The following CUL1 variants were observed in gnomAD, a reference collection of about 807,000 sequenced individuals.
The protein encoded by CUL1 is cullin 1, also known as cullin-1.
Under a neutral mutation model 118.0 loss-of-function variants are expected in CUL1, and 24 were observed. That is an observed-to-expected ratio of 0.20 (90% CI 0.15 to 0.29). The LOEUF (loss-of-function observed/expected upper bound fraction) is 0.29. Ranked by LOEUF, CUL1 falls within the 10% of genes least tolerant of loss-of-function variation. The pLI, the probability that CUL1 is intolerant of heterozygous loss-of-function variation, is 1.00. For synonymous variants in CUL1, 332 were observed against 340.4 expected (o/e 0.98, Z 0.27); for missense variants, 361 against 933.8 (o/e 0.39, Z 7.99).
intron 2 of CUL1, among the ~76,000 whole-genome samples, chr7:148,751,575 C>T (rs1009147447): frequency 6.7e-6 from 1 of 148,680 alleles, no homozygotes; most frequent in Non-Finnish European, 1.5e-5. Flanking sequence ...CACTTTGTCA[C>T]TTAGTATTTC....
intron 2 of CUL1, among the ~76,000 whole-genome samples, chr7:148,735,114 TTGAGAA>T (rs751889091): frequency 2.4e-4 from 37 of 152,342 alleles, no homozygotes; most frequent in South Asian, 2.1e-4. Flanking sequence ...TCATTCATAT[TTGAGAA>T]TGAGAATGAG....
chr7:148,762,921 C>T (rs2129460606), intron 7 of CUL1, among the ~76,000 whole-genome samples: 1 of 152,310 alleles, frequency 6.6e-6, no homozygotes, highest in East Asian at 1.9e-4. Flanking sequence ...CCGAGGTGGG[C>T]AGATTGCCTG....
intron 1 of CUL1, among the ~76,000 whole-genome samples, chr7:148,716,689 G>T (rs771947247): frequency 2.0e-5 from 3 of 152,184 alleles, no homozygotes; most frequent in Non-Finnish European, 4.4e-5. Flanking sequence ...CACACAAAAG[G>T]TGCCTGTTTT....
chr7:148,753,948 A>G (rs1331424407), intron 2 of CUL1, 28 bp from the exon 3 acceptor site: 9 of 1,536,900 alleles, frequency 5.9e-6, no homozygotes, highest in Non-Finnish European at 7.9e-6. Flanking sequence ...TCTGTGATAT[A>G]TGTTGGTTTC....
In CUL1 at chr7:148,787,150, A is replaced by G; in HGVS notation, c.1479+30A>G. On this transcript the variant is annotated intron_variant, in intron 13 of 21. Coordinates refer to ENST00000325222, the MANE Select transcript of CUL1 (RefSeq NM_003592.3). This position sits in a 1 kb window ranked among gnomAD's most constrained non-coding sequence, Gnocchi z 5.5. ...GTTTCATCTTTTCCTGAAAAATCCC[A>G]GCTTCTGAGTCATTATTAAAACAGC... The G allele has an allele frequency of 1.2e-6, 2 of 1,610,082 alleles. No homozygotes were observed. Among genetic ancestry groups the G allele is most frequent in the Non-Finnish European group, 1.7e-6 (2 of 1,177,838 alleles).
chr7:148,760,982 G>A (rs1347514283), intron 7 of CUL1, among the ~76,000 whole-genome samples: 1 of 152,170 alleles, frequency 6.6e-6, no homozygotes, highest in East Asian at 1.9e-4. Flanking sequence ...GCCTCCAGAA[G>A]TAATGGGATT....
intron 2 of CUL1, among the ~76,000 whole-genome samples, chr7:148,737,580 T>TTA (rs144209875): frequency 1.5e-3 from 100 of 67,482 alleles, no homozygotes; most frequent in East Asian, 6.6e-3. Context: ...ATTTTTATAT[T>TTA]TATTTATTTA....
At chr7:148,770,712 G>A (rs1307952887) in intron 9 of CUL1, among the ~76,000 whole-genome samples, 1 of 152,188 alleles carries the variant, frequency 6.6e-6, no homozygotes, top group African/African-American at 2.4e-5. Flanking sequence ...AAGCTCAGGG[G>A]GAGCGTGGGT....
At chr7:148,763,303 C>T (rs1168725923) in intron 7 of CUL1, among the ~76,000 whole-genome samples, 1 of 152,142 alleles carries the variant, frequency 6.6e-6, no homozygotes, top group African/African-American at 2.4e-5. Flanking sequence ...AGAGGGGATT[C>T]ATTTCTAGAA....
chr7:148,758,324 A>G (rs1041154546), intron 4 of CUL1, among the ~76,000 whole-genome samples: 1 of 152,270 alleles, frequency 6.6e-6, no homozygotes, highest in Admixed American at 6.5e-5. Flanking sequence ...GAATGTTGCT[A>G]TAATAGCAGT....
chr7:148,707,682 TC>T (rs949257709), intron 1 of CUL1, among the ~76,000 whole-genome samples: 1 of 152,136 alleles, frequency 6.6e-6, no homozygotes, highest in Non-Finnish European at 1.5e-5. Context: ...GTTGTGCCCT[TC>T]CCGGTGTCCA....
intron 9 of CUL1, among the ~76,000 whole-genome samples, chr7:148,782,386 CAA>C (rs761509624): frequency 2.6e-5 from 4 of 152,204 alleles, no homozygotes; most frequent in Non-Finnish European, 4.4e-5. Flanking sequence ...AGCCATGAAA[CAA>C]AGAGCAAGGC....
chr7:148,767,390 A>G (rs915684304), intron 8 of CUL1, among the ~76,000 whole-genome samples: 12 of 152,036 alleles, frequency 7.9e-5, no homozygotes, highest in South Asian at 4.2e-4. Context: ...AAATAAATTT[A>G]CAATAGTAAA....
intron 11 of CUL1, among the ~76,000 whole-genome samples, chr7:148,785,829 C>T (rs1800799345): frequency 6.6e-6 from 1 of 152,092 alleles, no homozygotes; most frequent in Non-Finnish European, 1.5e-5. Context: ...AGTTAAACTG[C>T]TCCAAGGGAA....
intron 9 of CUL1, among the ~76,000 whole-genome samples, chr7:148,781,073 G>T (rs1236979113): frequency 1.2e-5 from 1 of 86,546 alleles, no homozygotes; most frequent in Admixed American, 1.3e-4. Flanking sequence ...ACATTTTCAA[G>T]GCCAGATTTT....
intron 16 of CUL1, among the ~76,000 whole-genome samples, chr7:148,792,435 T>A (rs1450893126): frequency 6.6e-6 from 1 of 152,236 alleles, no homozygotes; most frequent in Non-Finnish European, 1.5e-5. Context: ...TATAAATGCG[T>A]GGGGACGTAT....
At chr7:148,743,395 G>A (rs1369044828) in intron 2 of CUL1, among the ~76,000 whole-genome samples, 1 of 152,154 alleles carries the variant, frequency 6.6e-6, no homozygotes, top group Non-Finnish European at 1.5e-5. Flanking sequence ...GACATCTATG[G>A]AGGCTACAAA....
intron 1 of CUL1, among the ~76,000 whole-genome samples, chr7:148,704,809 AG>A: frequency 6.7e-6 from 1 of 149,036 alleles, no homozygotes; most frequent in African/African-American, 2.6e-5. Context: ...TCTTAGCAGT[AG>A]GTTATTATTT....
At chr7:148,792,950 T>C (rs918839440) in intron 17 of CUL1, 132 bp downstream of exon 17, 1 of 610,514 alleles carries the variant, frequency 1.6e-6, no homozygotes, top group Non-Finnish European at 2.8e-6. Flanking sequence ...TGAATATGAA[T>C]ATGGCCTTAT....
Sources: allele counts gnomAD v4.1 joint callset (sites outside exome capture counted in the v4.1 genomes callset), GRCh38; gene constraint gnomAD v4.1.1; non-coding constraint Gnocchi (gnomAD v3.1); transcripts MANE v1.5; gene names NCBI Gene and HGNC (gene_info 2026-07-23, HGNC 2026-07-21).